BLTP3A: variants seen among roughly 807,000 people sequenced by gnomAD.
BLTP3A encodes ICBP90 binding protein 1.
At chr6:34,816,795 CGG>C in the BLTP3A span, among the ~76,000 whole-genome samples, 1 of 152,076 alleles carries the variant, frequency 6.6e-6, no homozygotes, top group Non-Finnish European at 1.5e-5. Flanking sequence ...AGAATCTGTG[CGG>C]TTGGACAGGA....
the BLTP3A span, among the ~76,000 whole-genome samples, chr6:34,852,154 C>T: frequency 3.9e-5 from 6 of 152,142 alleles, no homozygotes; most frequent in African/African-American, 1.4e-4. Context: ...AAGACAAAGT[C>T]CCCTTTTCTC....
At chr6:34,822,496 T>C in the BLTP3A span, among the ~76,000 whole-genome samples, 2 of 152,102 alleles carry the variant, frequency 1.3e-5, no homozygotes, top group African/African-American at 4.8e-5. Context: ...GTCTCAGCCT[T>C]CGAAAGTGCT....
chr6:34,848,938 T>G, the BLTP3A span, among the ~76,000 whole-genome samples: 1 of 149,864 alleles, frequency 6.7e-6, no homozygotes, highest in African/African-American at 2.5e-5. Context: ...GTGCTACATT[T>G]TAATTTCTTG....
At chr6:34,806,673 C>A in the BLTP3A span, among the ~76,000 whole-genome samples, 316 of 152,176 alleles carry the variant, frequency 2.1e-3, 1 homozygote, top group African/African-American at 7.0e-3. Flanking sequence ...ATTCTCCCCC[C>A]CTCCCCAAGA....
chr6:34,820,791 A>G, the BLTP3A span, among the ~76,000 whole-genome samples: 2 of 140,884 alleles, frequency 1.4e-5, no homozygotes, highest in South Asian at 2.3e-4. Flanking sequence ...AGCTGGGACT[A>G]TAGGCATGCA....
At chr6:34,836,311 C>A in the BLTP3A span, 6 of 1,614,162 alleles carry the variant, frequency 3.7e-6, no homozygotes, top group Non-Finnish European at 5.1e-6. Context: ...CCCGCCTGGA[C>A]CTGCACATTT....
chr6:34,794,678 C>G, the BLTP3A span, among the ~76,000 whole-genome samples: 39 of 152,256 alleles, frequency 2.6e-4, no homozygotes, highest in East Asian at 7.1e-3. Context: ...AGATAAGTGA[C>G]TTGCCTAAGT....
the BLTP3A span, among the ~76,000 whole-genome samples, chr6:34,868,722 TAAA>T: frequency 3.0e-5 from 4 of 133,380 alleles, no homozygotes; most frequent in Non-Finnish European, 1.6e-5. Context: ...AGACTCTGTT[TAAA>T]AAAAAAAAAA....
the BLTP3A span, chr6:34,872,403 G>T: frequency 1.9e-6 from 3 of 1,612,744 alleles, no homozygotes; most frequent in Non-Finnish European, 2.5e-6. Flanking sequence ...ACTTCTTCAG[G>T]AGATTAGGAA....
chr6:34,823,807 A>C, the BLTP3A span, among the ~76,000 whole-genome samples: 2 of 151,618 alleles, frequency 1.3e-5, no homozygotes, highest in Non-Finnish European at 2.9e-5. Context: ...AAGCCCTGGG[A>C]TTACGGATGT....
the BLTP3A span, among the ~76,000 whole-genome samples, chr6:34,806,870 G>A: frequency 6.6e-6 from 1 of 152,114 alleles, no homozygotes. Context: ...TTGTTGGCCA[G>A]GTTGGTTTCG....
chr6:34,820,991 T>A, the BLTP3A span, among the ~76,000 whole-genome samples: 2 of 147,054 alleles, frequency 1.4e-5, no homozygotes, highest in African/African-American at 5.1e-5. Context: ...AGTTTTGCTC[T>A]TGTTGCCCAG....
At chr6:34,858,838 G>A in the BLTP3A span, 19 of 1,614,158 alleles carry the variant, frequency 1.2e-5, no homozygotes, top group Non-Finnish European at 1.5e-5. Context: ...CCATGTCCGC[G>A]TGAGGCTTGA....
chr6:34,831,966 C>A, the BLTP3A span, among the ~76,000 whole-genome samples: 2 of 152,062 alleles, frequency 1.3e-5, no homozygotes, highest in Non-Finnish European at 2.9e-5. Flanking sequence ...AGGTGTGCAC[C>A]ACCACGCCTA....
At chr6:34,810,124 C>T in the BLTP3A span, among the ~76,000 whole-genome samples, 1 of 152,306 alleles carries the variant, frequency 6.6e-6, no homozygotes, top group Admixed American at 6.5e-5. Flanking sequence ...CTGCAGATCT[C>T]AATCTATAGG....
the BLTP3A span, among the ~76,000 whole-genome samples, chr6:34,803,588 C>A: frequency 2.0e-5 from 3 of 152,184 alleles, no homozygotes; most frequent in African/African-American, 4.8e-5. Flanking sequence ...AAATAAATAA[C>A]CAGATCTAAT....
At chr6:34,803,647 A>G in the BLTP3A span, among the ~76,000 whole-genome samples, 2 of 152,206 alleles carry the variant, frequency 1.3e-5, no homozygotes, top group African/African-American at 2.4e-5. Flanking sequence ...CCTTACTTTC[A>G]CAGCTTCTGA....
chr6:34,807,548 C>T, the BLTP3A span, among the ~76,000 whole-genome samples: 2 of 152,138 alleles, frequency 1.3e-5, no homozygotes, highest in African/African-American at 2.4e-5. Flanking sequence ...GCTACTGTTG[C>T]GAATTAAGAA....
the BLTP3A span, among the ~76,000 whole-genome samples, chr6:34,811,805 C>T: frequency 1.3e-5 from 2 of 151,432 alleles, no homozygotes; most frequent in African/African-American, 2.4e-5. Flanking sequence ...TGTAGTGAGC[C>T]GAGATCGTGC....
Sources: gnomAD v4.1 joint callset for allele counts (sites outside exome capture counted in the v4.1 genomes callset) on GRCh38, gnomAD v4.1.1 for gene constraint, MANE v1.5 for transcripts, NCBI Gene and HGNC (gene_info 2026-07-23, HGNC 2026-07-21) for gene names.